Variants in CGNL1 observed in about 807,000 individuals in gnomAD.
CGNL1 encodes cingulin-like protein 1.
Under a neutral mutation model 141.2 loss-of-function variants are expected in CGNL1, and 132 were observed. That is an observed-to-expected ratio of 0.93 (90% CI 0.81 to 1.08). The LOEUF (loss-of-function observed/expected upper bound fraction) is 1.08. Ranked by LOEUF, CGNL1 falls within the 50% of genes least tolerant of loss-of-function variation. The pLI, the probability that CGNL1 is intolerant of heterozygous loss-of-function variation, is 0.00. For missense variants in CGNL1, 1,870 were observed against 1,588.6 expected, an observed-to-expected ratio of 1.18 and a Z score of -3.01; for synonymous variants, 690 against 622.1, an observed-to-expected ratio of 1.11 and a Z score of -1.63.
intron 7 of CGNL1, among the ~76,000 whole-genome samples, chr15:57,455,525 T>G (rs1466068471): frequency 2.0e-5 from 3 of 152,230 alleles, no homozygotes; most frequent in Non-Finnish European, 2.9e-5. Context: ...TTAACTCACT[T>G]GACGTTGCAC....
intron 1 of CGNL1, among the ~76,000 whole-genome samples, chr15:57,435,143 A>T (rs1459533488): frequency 1.3e-5 from 2 of 152,202 alleles, no homozygotes; most frequent in African/African-American, 4.8e-5. Context: ...ACAGTAATCG[A>T]TCATTAACGC....
chr15:57,384,576 T>G (rs752693659), intron 1 of CGNL1, among the ~76,000 whole-genome samples: 7 of 152,236 alleles, frequency 4.6e-5, no homozygotes, highest in Non-Finnish European at 1.0e-4. Flanking sequence ...CACGTATTTC[T>G]TCAACAAATT....
At chr15:57,440,576 C>T (rs17820299) in intron 3 of CGNL1, 105 bp downstream of exon 3, 277,417 of 884,154 alleles carry the variant, frequency 0.31, 45,259 homozygotes, top group East Asian at 0.43. Flanking sequence ...TTGCCCTGTG[C>T]CAGCCGTTGG....
At chr15:57,397,100 C>T (rs537311599) in intron 1 of CGNL1, 6 of 152,126 alleles carry the variant, frequency 3.9e-5, no homozygotes, top group South Asian at 2.1e-4. Context: ...ATGGCTTCTT[C>T]GGGAAGGTGA....
At chr15:57,473,874 ACTTCTTCTTCTTCTTCTT>A (rs1270331869) in intron 8 of CGNL1, among the ~76,000 whole-genome samples, 1 of 109,790 alleles carries the variant, frequency 9.1e-6, no homozygotes, top group African/African-American at 3.4e-5. Flanking sequence ...TGATTGAGTC[ACTTCTTCTTCTTCTTCTT>A]CTTCTTCTTT....
chr15:57,526,302 C>G (rs1459449911), intron 12 of CGNL1, among the ~76,000 whole-genome samples: 1 of 152,164 alleles, frequency 6.6e-6, no homozygotes, highest in Non-Finnish European at 1.5e-5. Flanking sequence ...CCTCATCATT[C>G]TGCAGGGAAA....
At chr15:57,493,605 G>A (rs117698537) in intron 8 of CGNL1, among the ~76,000 whole-genome samples, 98 of 152,276 alleles carry the variant, frequency 6.4e-4, no homozygotes, top group Middle Eastern at 3.4e-3. Flanking sequence ...CCGTTTTGGG[G>A]ATTAACTATA....
chr15:57,419,286 T>C (rs969412754), intron 1 of CGNL1, among the ~76,000 whole-genome samples: 3 of 152,242 alleles, frequency 2.0e-5, no homozygotes, highest in Non-Finnish European at 4.4e-5. Context: ...AGCTTTAGAC[T>C]GATAAGGAAA....
At chr15:57,474,052 A>G (rs192415555) in intron 8 of CGNL1, among the ~76,000 whole-genome samples, 21 of 151,902 alleles carry the variant, frequency 1.4e-4, no homozygotes, top group Middle Eastern at 3.4e-3. Flanking sequence ...CTGGGACTAC[A>G]GGTGTGTGCC....
intron 1 of CGNL1, among the ~76,000 whole-genome samples, chr15:57,418,938 T>TA (rs2062882088): frequency 1.3e-5 from 2 of 151,988 alleles, no homozygotes; most frequent in Admixed American, 1.3e-4. Context: ...GGTGCCTTTT[T>TA]TTTTTTTGAG....
rs560115602 is a variant in CGNL1 at position 57,524,063 on chromosome 15, G to T, written c.2868+422G>T. On this transcript the variant is annotated intron_variant, in intron 11 of 18. Coordinates refer to ENST00000281282, the MANE Select transcript of CGNL1 (RefSeq NM_032866.5). Reference sequence around the variant, plus strand: ...GTCTGCCCCACCATACCCAGAAGGGGTAAAGGCACAAAGCTGGCAGGCTTT... The same window carrying T: ...GTCTGCCCCACCATACCCAGAAGGGTTAAAGGCACAAAGCTGGCAGGCTTT... 5.9e-5 allele frequency among the ~76,000 whole-genome samples: 9 copies of T among 152,334 alleles called. No homozygotes were observed. In the South Asian group the frequency reaches 1.9e-3, roughly 32 times the overall value.
chr15:57,540,381 T>C (rs1306437515), intron 14 of CGNL1, among the ~76,000 whole-genome samples: 1 of 152,136 alleles, frequency 6.6e-6, no homozygotes, highest in Admixed American at 6.5e-5. Flanking sequence ...AAAGAGACCA[T>C]GTGCAGGGGA....
At chr15:57,545,539 C>A (rs2032809447) in intron 16 of CGNL1, 53 bp from the exon 17 acceptor site, 1 of 1,525,082 alleles carries the variant, frequency 6.6e-7, no homozygotes, top group Non-Finnish European at 9.0e-7. Context: ...TAGGCTGGGC[C>A]CCCTGCAGGG....
chr15:57,455,336 T>G (rs1334600677), intron 7 of CGNL1, among the ~76,000 whole-genome samples: 1 of 152,214 alleles, frequency 6.6e-6, no homozygotes, highest in Non-Finnish European at 1.5e-5. Context: ...CAAATTTAAA[T>G]AGAAGATAAA....
Position 57,528,703 on chromosome 15 carries a change from A to C in CGNL1, c.3089A>C (p.Glu1030Ala), listed in dbSNP as rs1271296723. 1 of 1,614,014 alleles carries C rather than the reference A, an allele frequency of 6.2e-7. No individual in the cohort carries two copies. Among genetic ancestry groups the C allele is most frequent in the Non-Finnish European group, 8.5e-7 (1 of 1,180,006 alleles). ...CGGGACTACCAGAGAGCTCAGGATG[A>C]AGCACTCACAAAAAGGCAGCTTCTG... The part of the protein sequence containing the change: ...ELRDYQRAQD[E>A]ALTKRQLLEQ... Residue 1030 changes from glutamate to alanine, a missense_variant, in exon 13 of 19, where the codon GAA becomes GCA. Transcript: ENST00000281282.
chr15:57,522,219 C>T (rs75812735), intron 10 of CGNL1, among the ~76,000 whole-genome samples: 4,112 of 152,288 alleles, frequency 0.027, 100 homozygotes, highest in East Asian at 0.11. Flanking sequence ...TTCAGCAGGT[C>T]GGCCACGTTG....
chr15:57,536,110 G>T (rs2032243889), intron 14 of CGNL1, among the ~76,000 whole-genome samples: 3 of 152,200 alleles, frequency 2.0e-5, no homozygotes, highest in Non-Finnish European at 1.5e-5. Flanking sequence ...AGGAGCAAAG[G>T]CATGTCTTAC....
At chr15:57,479,142 C>T (rs1240113420) in intron 8 of CGNL1, among the ~76,000 whole-genome samples, 1 of 152,164 alleles carries the variant, frequency 6.6e-6, no homozygotes, top group Non-Finnish European at 1.5e-5. Flanking sequence ...TGGTTTATTG[C>T]CTTTTCCAGT....
At chr15:57,409,037 T>TCACACACACACACACA (rs59988268) in intron 1 of CGNL1, among the ~76,000 whole-genome samples, 2,783 of 141,770 alleles carry the variant, frequency 0.02, 42 homozygotes, top group East Asian at 0.033. Flanking sequence ...TGAGACTCTG[T>TCACACACACACACACA]CACACACACA....
Sources: allele counts gnomAD v4.1 joint callset (sites outside exome capture counted in the v4.1 genomes callset), GRCh38; gene constraint gnomAD v4.1.1; transcripts MANE v1.5; gene names NCBI Gene and HGNC (gene_info 2026-07-23, HGNC 2026-07-21).